GRIK2: variants seen among roughly 807,000 people sequenced by gnomAD.
The protein encoded by GRIK2 is glutamate receptor ionotropic, kainate 2.
A neutral mutation model predicts 100.3 loss-of-function variants in GRIK2; 32 were observed. That is an observed-to-expected ratio of 0.32 (90% confidence interval 0.24 to 0.43). GRIK2 has a LOEUF of 0.43. GRIK2 is among the 20% of genes least tolerant of loss of function. GRIK2 has a pLI of 1.00. For missense variants in GRIK2, 843 were observed against 1,114.9 expected, an observed-to-expected ratio of 0.76 and a Z score of 3.47; for synonymous variants, 417 against 389.4, an observed-to-expected ratio of 1.07 and a Z score of -0.83.
At chr6:101,979,476 T>C (rs745851578) in intron 14 of GRIK2, among the ~76,000 whole-genome samples, 1 of 151,942 alleles carries the variant, frequency 6.6e-6, no homozygotes, top group East Asian at 1.9e-4. Flanking sequence ...ACAGAAGAGA[T>C]TGAGCATGAA....
chr6:101,795,520 G>A (rs144154382), intron 7 of GRIK2, among the ~76,000 whole-genome samples: 2 of 152,206 alleles, frequency 1.3e-5, no homozygotes, highest in African/African-American at 4.8e-5. Flanking sequence ...CCTCCAGGAA[G>A]CTTGCTTCGG....
chr6:101,774,591 T>C (rs796814971), intron 7 of GRIK2, among the ~76,000 whole-genome samples: 15 of 152,320 alleles, frequency 9.8e-5, no homozygotes, highest in African/African-American at 3.6e-4. Context: ...CTCAATGGAC[T>C]GATCTTAGTA....
intron 3 of GRIK2, among the ~76,000 whole-genome samples, chr6:101,623,502 G>C (rs185564993): frequency 2.0e-5 from 3 of 152,038 alleles, no homozygotes; most frequent in African/African-American, 7.2e-5. Flanking sequence ...AAGAAGTTCT[G>C]CCTCTAATGA....
intron 4 of GRIK2, among the ~76,000 whole-genome samples, chr6:101,670,367 T>G (rs2128337630): frequency 6.6e-6 from 1 of 152,262 alleles, no homozygotes. Context: ...TCTTCAATGT[T>G]ATTCCCCAGG....
intron 4 of GRIK2, among the ~76,000 whole-genome samples, chr6:101,665,064 C>A (rs937475905): frequency 2.0e-5 from 3 of 152,150 alleles, no homozygotes; most frequent in African/African-American, 7.2e-5. Flanking sequence ...TTAGCCCTTG[C>A]CTTCCTTAAC....
intron 14 of GRIK2, among the ~76,000 whole-genome samples, chr6:102,000,454 ATTG>A (rs1473905092): frequency 4.6e-5 from 7 of 151,856 alleles, no homozygotes; most frequent in Admixed American, 4.6e-4. Context: ...CACAGTGCCT[ATTG>A]TTCCCATATT....
intron 4 of GRIK2, among the ~76,000 whole-genome samples, chr6:101,656,954 A>G (rs1438888358): frequency 6.6e-6 from 1 of 152,220 alleles, no homozygotes; most frequent in East Asian, 1.9e-4. Context: ...AAAGACTTCC[A>G]GGGTTTAAAT....
chr6:101,498,172 C>T (rs1334924938), intron 2 of GRIK2, among the ~76,000 whole-genome samples: 7 of 150,320 alleles, frequency 4.7e-5, no homozygotes, highest in South Asian at 2.2e-4. Flanking sequence ...CCAATTTCAT[C>T]CATGTCCCTA....
intron 14 of GRIK2, among the ~76,000 whole-genome samples, chr6:101,994,211 A>T (rs888215163): frequency 1.3e-5 from 2 of 150,844 alleles, no homozygotes; most frequent in East Asian, 2.0e-4. Flanking sequence ...GTCATTCCTA[A>T]TCTCTCCATG....
chr6:101,837,160 C>A (rs553515689), intron 10 of GRIK2, among the ~76,000 whole-genome samples: 40 of 152,212 alleles, frequency 2.6e-4, no homozygotes, highest in African/African-American at 9.4e-4. Context: ...ACCATGTAAA[C>A]AATAGATAGA....
At chr6:101,484,669 T>C (rs17062031) in intron 2 of GRIK2, among the ~76,000 whole-genome samples, 19,830 of 151,880 alleles carry the variant, frequency 0.13, 1,571 homozygotes, top group African/African-American at 0.22. Flanking sequence ...TCAAAGGCAG[T>C]GAAAGCTTCA....
At chr6:101,572,604 T>C (rs1458940089) in intron 2 of GRIK2, among the ~76,000 whole-genome samples, 1 of 151,918 alleles carries the variant, frequency 6.6e-6, no homozygotes, top group East Asian at 1.9e-4. Context: ...ATTGTAGATG[T>C]GTGTTCCTTT....
intron 4 of GRIK2, among the ~76,000 whole-genome samples, chr6:101,659,941 ATG>A (rs561747750): frequency 2.0e-5 from 3 of 151,874 alleles, no homozygotes; most frequent in Non-Finnish European, 2.9e-5. Flanking sequence ...TCTGACGATT[ATG>A]TGTCTTTGGG....
At chr6:101,473,081 A>C (rs1356767728) in intron 2 of GRIK2, among the ~76,000 whole-genome samples, 1 of 150,956 alleles carries the variant, frequency 6.6e-6, no homozygotes, top group Non-Finnish European at 1.5e-5. Context: ...AGGCAGAAAA[A>C]CAATGAATCC....
intron 7 of GRIK2, among the ~76,000 whole-genome samples, chr6:101,755,467 G>A (rs1020969865): frequency 7.9e-5 from 12 of 151,844 alleles, no homozygotes; most frequent in African/African-American, 1.7e-4. Context: ...GTGCCCGGCC[G>A]CATAAATCAT....
chr6:101,585,847 C>A (rs1424242786), intron 2 of GRIK2, among the ~76,000 whole-genome samples: 1 of 152,032 alleles, frequency 6.6e-6, no homozygotes, highest in Non-Finnish European at 1.5e-5. Context: ...ACAGGAATAA[C>A]AGTATCATTA....
intron 2 of GRIK2, among the ~76,000 whole-genome samples, chr6:101,443,715 C>A (rs539591520): frequency 6.6e-6 from 1 of 152,052 alleles, no homozygotes; most frequent in African/African-American, 2.4e-5. Flanking sequence ...AGATTCTGAA[C>A]TGAATCAAGG....
intron 2 of GRIK2, among the ~76,000 whole-genome samples, chr6:101,588,685 G>C (rs1376340247): frequency 8.1e-5 from 10 of 123,310 alleles, no homozygotes; most frequent in African/African-American, 1.6e-4. Context: ...CACACACACA[G>C]AAAAGAAAGA....
intron 2 of GRIK2, among the ~76,000 whole-genome samples, chr6:101,535,874 A>C (rs983726619): frequency 6.6e-6 from 1 of 151,686 alleles, no homozygotes; most frequent in African/African-American, 2.4e-5. Flanking sequence ...GGTCACACAC[A>C]CCTTAATGTT....
Sources: gnomAD v4.1 joint callset for allele counts (sites outside exome capture counted in the v4.1 genomes callset) on GRCh38, gnomAD v4.1.1 for gene constraint, MANE v1.5 for transcripts, NCBI Gene and HGNC (gene_info 2026-07-23, HGNC 2026-07-21) for gene names.